Variants in ACOX2 observed in about 807,000 individuals in gnomAD.
ACOX2 encodes peroxisomal acyl-coenzyme A oxidase 2.
Under a neutral mutation model 77.5 loss-of-function variants are expected in ACOX2, and 59 were observed. The ratio of observed to expected loss-of-function variants is 0.76; its 90% CI spans 0.62 to 0.95. The LOEUF (loss-of-function observed/expected upper bound fraction) is 0.95, where lower values mean the gene tolerates loss of function less well. ACOX2 is among the 40% of genes least tolerant of loss of function. ACOX2 has a pLI of 0.00. For missense variants in ACOX2, 837 were observed against 880.4 expected (o/e 0.95, Z 0.62); for synonymous variants, 317 against 340.1 (o/e 0.93, Z 0.75).
chr3:58,522,461 T>A lies in ACOX2; in HGVS notation c.1632+35A>T. On this transcript the variant is annotated intron_variant, in intron 12 of 14. Coordinates refer to ENST00000302819, the MANE Select transcript of ACOX2 (RefSeq NM_003500.4). This position sits in a 1 kb window ranked among gnomAD's most constrained non-coding sequence, Gnocchi z 4.3. ...AGGGTAGCCTGCCTGGGAAGCAAAA[T>A]GGATCCCTTTCAGCTTCAGCTGGCA... 1 of 1,599,238 alleles carries A rather than the reference T, an allele frequency of 6.3e-7. No homozygotes were observed. The highest frequency in any genetic ancestry group is 1.7e-5 in the Admixed American group (1 of 59,908).
Position 58,524,646 on chromosome 3 carries a change from CTG to C in ACOX2, c.1347-43_1347-42del. On this transcript the variant is annotated intron_variant, in intron 10 of 14. Transcript: ENST00000302819. The surrounding 1 kb of genome is among the most constrained non-coding windows in gnomAD (Gnocchi z 5.5). ...GGAGGCAGGTGAGAGGGCAGAGACT[CTG>C]TGAGACAGCCCAGCACCCCTCACTC... The C allele has an allele frequency of 6.3e-7, 1 of 1,593,118 alleles. No homozygotes were observed. Among genetic ancestry groups the C allele is most frequent in the Non-Finnish European group, 8.6e-7 (1 of 1,166,496 alleles).
At position 58,530,449 on chromosome 3, in the gene ACOX2, C is replaced by A; in HGVS notation, c.992+17G>T. On this transcript the variant is annotated intron_variant, in intron 8 of 14. Transcript: ENST00000302819. ...AGGCAGCATATCTGCGGTAGTCAGT[C>A]ACTGGGCACCCCTTGCCTGGGCCGG... 1 of 1,611,310 alleles carries A rather than the reference C, an allele frequency of 6.2e-7. No individual in the cohort carries two copies. Among genetic ancestry groups the A allele is most frequent in the South Asian group, 1.1e-5 (1 of 90,688 alleles).
chr3:58,526,437 G>A lies in ACOX2; in HGVS notation c.1346+29C>T. On this transcript the variant is annotated intron_variant, in intron 10 of 14. Coordinates refer to ENST00000302819, the MANE Select transcript of ACOX2 (RefSeq NM_003500.4). The surrounding 1 kb of genome is among the most constrained non-coding windows in gnomAD (Gnocchi z 4.3). ...GCTTGGTGGGTCCCCAAGGGCTTGGGCAAAGGCCTGGGTCAGCCTGGACCT... is the reference window on the plus strand; with the variant it reads ...GCTTGGTGGGTCCCCAAGGGCTTGGACAAAGGCCTGGGTCAGCCTGGACCT... 2 of 1,585,886 alleles carry A rather than the reference G, an allele frequency of 1.3e-6. No individual in the cohort carries two copies. Among genetic ancestry groups the A allele is most frequent in the South Asian group, 1.2e-5 (1 of 86,862 alleles).
intron 12 of ACOX2, among the ~76,000 whole-genome samples, chr3:58,517,992 T>C (rs1327297555): frequency 2.0e-5 from 3 of 149,330 alleles, no homozygotes; most frequent in African/African-American, 7.5e-5. Context: ...GGAGAATCAT[T>C]TGAACCCAGG....
At chr3:58,508,431 C>G (rs555151299) in intron 14 of ACOX2, among the ~76,000 whole-genome samples, 1 of 152,180 alleles carries the variant, frequency 6.6e-6, no homozygotes, top group Non-Finnish European at 1.5e-5. Flanking sequence ...CTCTAGCAGG[C>G]AATCAGGTCT....
At chr3:58,506,661 G>A (rs1265805046) in intron 14 of ACOX2, among the ~76,000 whole-genome samples, 1 of 152,144 alleles carries the variant, frequency 6.6e-6, no homozygotes, top group African/African-American at 2.4e-5. Context: ...GCTGGGTTTG[G>A]TGGCTTGTGC....
In ACOX2 at chr3:58,534,734, C is replaced by A; in HGVS notation, c.161-212G>T. The stretch of plus-strand genomic sequence containing the variant: ...AGAATTTTAGGACCAGAATCCAGGT[C>A]TTCTGCTGCCTAGGACTCTTCTATC... On this transcript the variant is annotated intron_variant, in intron 2 of 14. Coordinates refer to ENST00000302819, the MANE Select transcript of ACOX2 (RefSeq NM_003500.4). The surrounding 1 kb of genome is among the most constrained non-coding windows in gnomAD (Gnocchi z 4.8). 7.4e-7 allele frequency: 1 copy of A among 1,343,888 alleles called. No individual in the cohort carries two copies. Among genetic ancestry groups the A allele is most frequent in the Non-Finnish European group, 1.0e-6 (1 of 967,836 alleles). The allele number at this position is 1,343,888 out of a possible 1,614,324, so 83.2% of individuals were successfully genotyped here. A position where few individuals can be genotyped will look rare whatever the true frequency, so the allele number is the denominator to read the frequency against.
In ACOX2 at chr3:58,510,693, TATATATATATATATATACACACACACAC is replaced by T. The variant is rs1393817880; in HGVS notation, c.1851-1696_1851-1669del. Among the ~76,000 whole-genome samples, 20 of 17,728 alleles carry T rather than the reference TATATATATATATATATACACACACACAC, an allele frequency of 1.1e-3. 4 individuals are homozygous for T. Among genetic ancestry groups the T allele is most frequent in the African/African-American group, 5.0e-3 (20 of 3,984 alleles). The allele number at this position is 17,728 out of a possible 152,430, so 11.6% of individuals were successfully genotyped here. A position where few individuals can be genotyped will look rare whatever the true frequency, so the allele number is the denominator to read the frequency against. On this transcript the variant is annotated intron_variant, in intron 13 of 14. Transcript: ENST00000302819. ...ATATATATATATATATATATATATA[TATATATATATATATATACACACACACAC>T]ACACACACACACACACACACTCAAC...
chr3:58,515,248 T>G lies in ACOX2; in HGVS notation c.1850+1958A>C, dbSNP rs2063314201. On this transcript the variant is annotated intron_variant, in intron 13 of 14. Transcript: ENST00000302819. The surrounding 1 kb of genome is among the most constrained non-coding windows in gnomAD (Gnocchi z 4.0). ...GTTGGCCAGGCTGGCCTCGAACTCC[T>G]GACCTCAGGTGATCCACCCACCTTG... Among the ~76,000 whole-genome samples the G allele has an allele frequency of 6.6e-6, 1 of 152,210 alleles. No homozygotes were observed. Among genetic ancestry groups the G allele is most frequent in the Non-Finnish European group, 1.5e-5 (1 of 68,042 alleles).
chr3:58,514,031 T>A lies in ACOX2; in HGVS notation c.1850+3175A>T, dbSNP rs539301353. Among the ~76,000 whole-genome samples, 1 of 152,176 alleles carries A rather than the reference T, an allele frequency of 6.6e-6. No individual in the cohort carries two copies. Among genetic ancestry groups the A allele is most frequent in the East Asian group, 1.9e-4 (1 of 5,194 alleles). ...GAGGGAGGTGTCAGTATTTGGCCTA[T>A]AAAGAACCCTGTGTTTTCTGAAGGG... is the stretch of plus-strand genomic sequence containing the variant. On this transcript the variant is annotated intron_variant, in intron 13 of 14. Coordinates refer to ENST00000302819, the MANE Select transcript of ACOX2 (RefSeq NM_003500.4). The surrounding 1 kb of genome is among the most constrained non-coding windows in gnomAD (Gnocchi z 4.3).
rs945530299 is a variant in ACOX2 at position 58,526,458 on chromosome 3, G to C, written c.1346+8C>G. 3 of 1,608,770 alleles carry C rather than the reference G, an allele frequency of 1.9e-6. No homozygotes were observed. In the African/African-American group the frequency reaches 4.0e-5, roughly 21 times the overall value. On this transcript the variant is annotated splice_region_variant and intron_variant, in intron 10 of 14. Transcript: ENST00000302819. The surrounding 1 kb of genome is among the most constrained non-coding windows in gnomAD (Gnocchi z 4.3). ...TTGGGCAAAGGCCTGGGTCAGCCTGGACCTTACCTGGCCACCTGCAGGTAG... is the reference window on the plus strand; with the variant it reads ...TTGGGCAAAGGCCTGGGTCAGCCTGCACCTTACCTGGCCACCTGCAGGTAG...
In ACOX2 at chr3:58,505,314, AC is replaced by A. The variant is rs551113560; in HGVS notation, c.1984-29del. 1.2e-3 allele frequency: 1,865 copies of A among 1,573,596 alleles called. 4 individuals are homozygous for A. Among genetic ancestry groups the A allele is most frequent in the Non-Finnish European group, 1.5e-3 (1,735 of 1,150,652 alleles). ...GTTTGTAGAAAGAAACGCATTATTA[AC>A]ACAGTACATTTCTGCCAGGATTAAT... On this transcript the variant is annotated intron_variant, in intron 14 of 14. Coordinates refer to ENST00000302819, the MANE Select transcript of ACOX2 (RefSeq NM_003500.4). The surrounding 1 kb of genome is among the most constrained non-coding windows in gnomAD (Gnocchi z 4.4).
intron 12 of ACOX2, among the ~76,000 whole-genome samples, chr3:58,518,559 C>A (rs2063338195): frequency 6.6e-6 from 1 of 152,176 alleles, no homozygotes; most frequent in Non-Finnish European, 1.5e-5. Flanking sequence ...CAAGCACACA[C>A]AATTATTTTG....
intron 9 of ACOX2, among the ~76,000 whole-genome samples, chr3:58,527,932 C>T (rs1346011798): frequency 6.6e-6 from 1 of 151,248 alleles, no homozygotes; most frequent in Admixed American, 6.6e-5. Context: ...GTCTTGAACT[C>T]CTGGGCTCAA....
Position 58,530,513 on chromosome 3 carries a change from G to A in ACOX2, c.945C>T (p.Ile315=), listed in dbSNP as rs758364833. Reference sequence around the variant, plus strand: ...GGCGGATGACCGAGTAGCGCATGGCGATGACACAGGCCTTCTGCAGTATAG... The same window carrying A: ...GGCGGATGACCGAGTAGCGCATGGCAATGACACAGGCCTTCTGCAGTATAG... ...ILPILQKACV[I]AMRYSVIRRQ... The change falls in exon 8 of 15, where the codon ATC becomes ATT. Residue 315 remains isoleucine, a synonymous_variant. Coordinates refer to ENST00000302819, the MANE Select transcript of ACOX2 (RefSeq NM_003500.4). The A allele has an allele frequency of 5.0e-6, 8 of 1,614,138 alleles. No homozygotes were observed. Among genetic ancestry groups the A allele is most frequent in the Admixed American group, 3.3e-5 (2 of 60,012 alleles).
rs1334031468 is a variant in ACOX2, at chr3:58,519,248, G to A, written c.1633-1825C>T. Among the ~76,000 whole-genome samples the A allele has an allele frequency of 1.3e-5, 2 of 152,078 alleles. No homozygotes were observed. Among genetic ancestry groups the A allele is most frequent in the Non-Finnish European group, 2.9e-5 (2 of 68,000 alleles). ...AAAATACAAAAATTAGCCAGGTGTG[G>A]TGGTGCACACCTGTAATTCTGGCTA... On this transcript the variant is annotated intron_variant, in intron 12 of 14. Coordinates refer to ENST00000302819, the MANE Select transcript of ACOX2 (RefSeq NM_003500.4). This position sits in a 1 kb window ranked among gnomAD's most constrained non-coding sequence, Gnocchi z 5.0.
intron 13 of ACOX2, among the ~76,000 whole-genome samples, chr3:58,509,281 A>G (rs2063259660): frequency 6.6e-6 from 1 of 152,122 alleles, no homozygotes; most frequent in Non-Finnish European, 1.5e-5. Context: ...TAATCCCGGC[A>G]CTTTGGGAGG....
In ACOX2 at chr3:58,531,248, A is replaced by G. The variant is rs1418145370; in HGVS notation, c.819+3T>C. ...AAGTCCCCGGCCTCCCCAGATCTGT[A>G]ACCTGTGCAAAGCGACTCAGCATGT... On this transcript the variant is annotated splice_donor_region_variant and intron_variant, in intron 7 of 14. Transcript: ENST00000302819. This position sits in a 1 kb window ranked among gnomAD's most constrained non-coding sequence, Gnocchi z 5.8. 10 of 1,611,690 alleles carry G rather than the reference A, an allele frequency of 6.2e-6. No homozygotes were observed. Among genetic ancestry groups the G allele is most frequent in the African/African-American group, 1.3e-5 (1 of 74,878 alleles).
At chr3:58,527,877 T>G (rs1260925466) in intron 9 of ACOX2, among the ~76,000 whole-genome samples, 1 of 151,576 alleles carries the variant, frequency 6.6e-6, no homozygotes, top group East Asian at 1.9e-4. Flanking sequence ...TTTTTTTTTT[T>G]TTTTGTGGAG....
Sources: gnomAD v4.1 joint callset for allele counts (sites outside exome capture counted in the v4.1 genomes callset) on GRCh38, gnomAD v4.1.1 for gene constraint, Gnocchi (gnomAD v3.1) non-coding constraint, MANE v1.5 for transcripts, NCBI Gene and HGNC (gene_info 2026-07-23, HGNC 2026-07-21) for gene names.